PGM2L1: variants seen among roughly 807,000 people sequenced by gnomAD.
PGM2L1 encodes phosphoglucomutase 2 like 1.
PGM2L1 carries 35 observed loss-of-function variants against 73.4 expected under a neutral mutation model. The observed-to-expected ratio is 0.48, with a 90% CI of 0.36 to 0.63. PGM2L1 has a LOEUF of 0.63. PGM2L1 is among the 30% of genes least tolerant of loss of function. The probability of loss-of-function intolerance (pLI) is 0.00; values close to 1 mark genes in which losing one functional copy is unlikely to be tolerated. For synonymous variants in PGM2L1, 225 were observed against 253.8 expected (o/e 0.89, Z 1.08); for missense variants, 570 against 742.0 (o/e 0.77, Z 2.69).
chr11:74,335,788 AT>A lies in PGM2L1; in HGVS notation c.*863del, dbSNP rs1295897395. The A allele has an allele frequency of 6.6e-6, 1 of 152,638 alleles. No homozygotes were observed. The highest frequency in any genetic ancestry group is 1.5e-5 in the Non-Finnish European group (1 of 68,026). The allele number at this position is 152,638 out of a possible 1,614,324, so 9.5% of individuals were successfully genotyped here. ...TAAGCTTGCTTTTATTAAGATCTTT[AT>A]TTATATTCCTAAGATTTTAAAATCA... is the stretch of plus-strand genomic sequence containing the variant. On this transcript the variant is annotated 3_prime_UTR_variant, in exon 14 of 14. Coordinates refer to ENST00000298198, the MANE Select transcript of PGM2L1 (RefSeq NM_173582.6).
At chr11:74,385,829 T>G (rs1254216187) in intron 1 of PGM2L1, among the ~76,000 whole-genome samples, 2 of 152,106 alleles carry the variant, frequency 1.3e-5, no homozygotes, top group Non-Finnish European at 2.9e-5. Flanking sequence ...CTTCTGAAAT[T>G]AGGCTACAAT....
rs963775588 is a variant in PGM2L1, at chr11:74,353,922, C to T, written c.556-2346G>A. On this transcript the variant is annotated intron_variant, in intron 5 of 13. Transcript: ENST00000298198. ...AATGTTTAAAACAAACAAAACTGTT[C>T]TGGAGGGATGCTCCCACATTTCAAG... Among the ~76,000 whole-genome samples the T allele has an allele frequency of 1.3e-5, 2 of 151,718 alleles. 1 individual carries two copies. The highest frequency in any genetic ancestry group is 2.9e-5 in the Non-Finnish European group (2 of 67,964).
At position 74,334,428 on chromosome 11, in the gene PGM2L1, T is replaced by C. The variant is rs1370454783; in HGVS notation, c.*2224A>G. ...TCTTAAAAGCATATAAAACAAAAGATGTTTTACACATTTTAAAAATAAAAC... is the reference window on the plus strand; with the variant it reads ...TCTTAAAAGCATATAAAACAAAAGACGTTTTACACATTTTAAAAATAAAAC... On this transcript the variant is annotated 3_prime_UTR_variant, in exon 14 of 14. Coordinates refer to ENST00000298198, the MANE Select transcript of PGM2L1 (RefSeq NM_173582.6). The C allele has an allele frequency of 6.6e-6, 1 of 152,242 alleles. No individual in the cohort carries two copies. Among genetic ancestry groups the C allele is most frequent in the Non-Finnish European group, 1.5e-5 (1 of 68,032 alleles). 9.4% of individuals were successfully genotyped at this position (152,242 alleles called of 1,614,324 possible). A position where few individuals can be genotyped will look rare whatever the true frequency, so the allele number is the denominator to read the frequency against.
intron 12 of PGM2L1, 47 bp from the exon 13 acceptor site, chr11:74,338,648 C>T: frequency 6.6e-7 from 1 of 1,518,750 alleles, no homozygotes; most frequent in Non-Finnish European, 9.0e-7. Flanking sequence ...GCATCTTTTT[C>T]ATTTTCTTTC....
At chr11:74,378,216 C>G (rs1862885240) in intron 1 of PGM2L1, among the ~76,000 whole-genome samples, 1 of 151,910 alleles carries the variant, frequency 6.6e-6, no homozygotes, top group Non-Finnish European at 1.5e-5. Context: ...GCAGGAGAAT[C>G]ACTTGAACTA....
At chr11:74,360,834 G>C (rs1862551184) in intron 5 of PGM2L1, among the ~76,000 whole-genome samples, 1 of 152,218 alleles carries the variant, frequency 6.6e-6, no homozygotes, top group Admixed American at 6.5e-5. Flanking sequence ...GAACTGCAAG[G>C]CCGCAGTGAG....
In PGM2L1 at chr11:74,355,110, T is replaced by C. The variant is rs1468532285; in HGVS notation, c.556-3534A>G. On this transcript the variant is annotated intron_variant, in intron 5 of 13. Coordinates refer to ENST00000298198, the MANE Select transcript of PGM2L1 (RefSeq NM_173582.6). ...GGACAACTTTGGTTGTGGAGGAAAC[T>C]TCAGTGGTTGTGGTGGCTTTGGTGG... 3.1e-6 allele frequency: 4 copies of C among 1,287,520 alleles called. No individual in the cohort carries two copies. The East Asian group carries it at 6.9e-5, about 22-fold the overall frequency. The allele number at this position is 1,287,520 out of a possible 1,614,324, so 79.8% of individuals were successfully genotyped here.
intron 5 of PGM2L1, among the ~76,000 whole-genome samples, chr11:74,359,470 T>A (rs904435834): frequency 6.6e-6 from 1 of 151,904 alleles, no homozygotes; most frequent in Non-Finnish European, 1.5e-5. Context: ...TTTCTTAATA[T>A]ACAAGCACAA....
chr11:74,390,193 GA>G (rs1268572173), intron 1 of PGM2L1, among the ~76,000 whole-genome samples: 1 of 141,832 alleles, frequency 7.1e-6, no homozygotes, highest in Non-Finnish European at 1.5e-5. Context: ...ACAGGGCAAA[GA>G]AGTCCCCCAA....
chr11:74,348,206 C>T (rs576177131), intron 6 of PGM2L1, among the ~76,000 whole-genome samples: 4 of 152,172 alleles, frequency 2.6e-5, no homozygotes, highest in African/African-American at 9.7e-5. Flanking sequence ...AATTCTCTCT[C>T]GCCGGCATCA....
At chr11:74,342,440 G>GAA (rs745961551) in intron 12 of PGM2L1, 21 bp downstream of exon 12, 67 of 1,044,408 alleles carry the variant, frequency 6.4e-5, no homozygotes, top group Admixed American at 2.7e-4. Flanking sequence ...AAATTGTTTG[G>GAA]AAAAAAAAAA....
At chr11:74,393,850 T>C (rs759360200) in intron 1 of PGM2L1, among the ~76,000 whole-genome samples, 6 of 152,114 alleles carry the variant, frequency 3.9e-5, no homozygotes, top group Non-Finnish European at 5.9e-5. Context: ...GCCTAACATC[T>C]TACATATAGG....
At chr11:74,348,663 T>C (rs1364011666) in intron 6 of PGM2L1, among the ~76,000 whole-genome samples, 3 of 152,212 alleles carry the variant, frequency 2.0e-5, no homozygotes, top group Admixed American at 6.5e-5. Flanking sequence ...TTGACTGCTA[T>C]GCCTCTCAAG....
rs1372169095 is a variant in PGM2L1 at position 74,333,723 on chromosome 11, G to C, written c.*2929C>G. ...TCCCTACTGTTATGGTGTTACATTT[G>C]CCCTTCACGAGAAGCATTTCCCGTG... On this transcript the variant is annotated 3_prime_UTR_variant, in exon 14 of 14. Transcript: ENST00000298198. 1 of 152,144 alleles carries C rather than the reference G, an allele frequency of 6.6e-6. No homozygotes were observed. Among genetic ancestry groups the C allele is most frequent in the East Asian group, 1.9e-4 (1 of 5,194 alleles). The allele number at this position is 152,144 out of a possible 1,614,324, so 9.4% of individuals were successfully genotyped here. A position where few individuals can be genotyped will look rare whatever the true frequency, so the allele number is the denominator to read the frequency against.
chr11:74,364,889 A>G (rs1862630798), intron 5 of PGM2L1, among the ~76,000 whole-genome samples: 1 of 152,188 alleles, frequency 6.6e-6, no homozygotes, highest in Non-Finnish European at 1.5e-5. Context: ...GGAACCAAAA[A>G]AGAGCCTGCA....
At chr11:74,361,459 A>G (rs1426578663) in intron 5 of PGM2L1, among the ~76,000 whole-genome samples, 1 of 152,234 alleles carries the variant, frequency 6.6e-6, no homozygotes, top group African/African-American at 2.4e-5. Flanking sequence ...AAAACAGAGC[A>G]GAAAAGCTGA....
rs73554622 is a variant in PGM2L1 at position 74,380,909 on chromosome 11, C to T, written c.112-6327G>A. Among the ~76,000 whole-genome samples, 607 of 152,300 alleles carry T rather than the reference C, an allele frequency of 4.0e-3. 6 individuals are homozygous for T. The highest frequency in any genetic ancestry group is 0.014 in the African/African-American group (574 of 41,560). ...GGCTAATGTGCTCAGTAGACCACTG[C>T]AGGAGAGAAAGATCACTGAACTATA... On this transcript the variant is annotated intron_variant, in intron 1 of 13. Coordinates refer to ENST00000298198, the MANE Select transcript of PGM2L1 (RefSeq NM_173582.6).
At chr11:74,389,886 G>A (rs1365424683) in intron 1 of PGM2L1, among the ~76,000 whole-genome samples, 4 of 139,164 alleles carry the variant, frequency 2.9e-5, no homozygotes, top group East Asian at 2.1e-4. Context: ...GGCGGATCAC[G>A]AGGTCAGGAT....
At chr11:74,339,129 T>G (rs956294964) in intron 12 of PGM2L1, among the ~76,000 whole-genome samples, 3 of 152,086 alleles carry the variant, frequency 2.0e-5, no homozygotes, top group African/African-American at 7.2e-5. Flanking sequence ...AAACAACCCA[T>G]TCAAGACAAT....
Sources: allele counts gnomAD v4.1 joint callset (sites outside exome capture counted in the v4.1 genomes callset), GRCh38; gene constraint gnomAD v4.1.1; transcripts MANE v1.5; gene names NCBI Gene and HGNC (gene_info 2026-07-23, HGNC 2026-07-21).